CDH23: variants seen among roughly 807,000 people sequenced by gnomAD.
CDH23 encodes cadherin-23.
CDH23 carries 189 observed loss-of-function variants against 317.1 expected under a neutral mutation model. The observed-to-expected ratio is 0.60, with a 90% CI of 0.53 to 0.67. The LOEUF is 0.67. CDH23 is among the 30% of genes least tolerant of loss of function. The pLI is 0.00. For missense variants in CDH23, 4,401 were observed against 4,592.4 expected, an observed-to-expected ratio of 0.96 and a Z score of 1.20; for synonymous variants, 1,839 against 1,876.8, an observed-to-expected ratio of 0.98 and a Z score of 0.52.
chr10:71,773,570 C>A, intron 38 of CDH23: 2 of 760,562 alleles, frequency 2.6e-6, no homozygotes, highest in Non-Finnish European at 3.8e-6. Context: ...GTGCTCCAGG[C>A]ACCCGCCCCC....
chr10:71,463,047 C>T (rs2132065878), intron 3 of CDH23, among the ~76,000 whole-genome samples: 1 of 152,308 alleles, frequency 6.6e-6, no homozygotes, highest in Non-Finnish European at 1.5e-5. Flanking sequence ...TCATTGAATG[C>T]CATGGGGAGG....
intron 2 of CDH23, among the ~76,000 whole-genome samples, chr10:71,445,026 C>T (rs1850088669): frequency 6.6e-6 from 1 of 152,120 alleles, no homozygotes; most frequent in African/African-American, 2.4e-5. Flanking sequence ...TGTGGGGGCT[C>T]CTCATAGGTG....
chr10:71,680,810 C>CTTTTTTTT (rs562449159), intron 17 of CDH23, among the ~76,000 whole-genome samples: 2 of 100,560 alleles, frequency 2.0e-5, no homozygotes, highest in Non-Finnish European at 1.8e-5. Flanking sequence ...CTCTGTCTTT[C>CTTTTTTTT]TTTTTTTTTT....
intron 6 of CDH23, among the ~76,000 whole-genome samples, 197 bp from the exon 7 acceptor site, chr10:71,566,545 G>A (rs535573860): frequency 2.6e-5 from 4 of 152,134 alleles, no homozygotes; most frequent in African/African-American, 9.6e-5. Flanking sequence ...GCCACCAGGA[G>A]GCCATCAAAA....
intron 44 of CDH23, among the ~76,000 whole-genome samples, chr10:71,787,097 G>T (rs1022265887): frequency 1.3e-5 from 2 of 152,156 alleles, no homozygotes; most frequent in South Asian, 2.1e-4. Context: ...TCCAGCCAGG[G>T]CAACAGGAAG....
At chr10:71,555,521 G>T (rs1184798568) in intron 6 of CDH23, among the ~76,000 whole-genome samples, 2 of 152,186 alleles carry the variant, frequency 1.3e-5, no homozygotes, top group Admixed American at 6.5e-5. Context: ...GATACCCTCT[G>T]CTGCCACGTG....
rs367912333 is a variant in CDH23 at position 71,811,385 on chromosome 10, G to C, written c.9148G>C (p.Val3050Leu). The change falls in exon 63 of 70, where the codon GTG becomes CTG. Residue 3050 changes from valine (V) to leucine (L), a missense_variant. Transcript: ENST00000224721. ...TTTCCGGAACTACAACGTCCTGGAC[G>C]TGCAGCCTGCCATCTCTGTCCGGCT... Reference protein sequence around the residue: ...NLFRNYNVLDVQPAISVRLPD... With the variant: ...NLFRNYNVLDLQPAISVRLPD... 4 of 1,613,788 alleles carry C rather than the reference G, an allele frequency of 2.5e-6. No individual in the cohort carries two copies. The highest frequency in any genetic ancestry group is 3.4e-6 in the Non-Finnish European group (4 of 1,179,904).
intron 44 of CDH23, among the ~76,000 whole-genome samples, chr10:71,786,659 G>A (rs924764326): frequency 2.0e-5 from 3 of 151,746 alleles, no homozygotes; most frequent in East Asian, 1.9e-4. Flanking sequence ...CACCTTGCCC[G>A]GCTAATTTTT....
chr10:71,414,976 T>C (rs888222793), intron 1 of CDH23, among the ~76,000 whole-genome samples: 1 of 152,370 alleles, frequency 6.6e-6, no homozygotes, highest in East Asian at 1.9e-4. Flanking sequence ...TCCAAAAGAA[T>C]TGACATAAAG....
intron 14 of CDH23, among the ~76,000 whole-genome samples, chr10:71,672,331 G>T (rs1018674482): frequency 6.6e-6 from 1 of 152,062 alleles, no homozygotes; most frequent in African/African-American, 2.4e-5. Context: ...CAGATCTACC[G>T]CCTCCTCCCA....
intron 11 of CDH23, among the ~76,000 whole-genome samples, chr10:71,640,332 T>G (rs1018333268): frequency 1.3e-5 from 2 of 152,218 alleles, no homozygotes; most frequent in African/African-American, 4.8e-5. Context: ...CCACCATACC[T>G]TACTGCTTAT....
At chr10:71,617,481 A>G (rs1314592663) in intron 11 of CDH23, 88 bp downstream of exon 11, 1 of 1,536,554 alleles carries the variant, frequency 6.5e-7, no homozygotes, top group Middle Eastern at 1.7e-4. Context: ...TCAGCTATAA[A>G]ATAGAAACAA....
At chr10:71,712,442 A>T (rs1265220309) in intron 27 of CDH23, 9 of 539,846 alleles carry the variant, frequency 1.7e-5, no homozygotes, top group African/African-American at 1.5e-4. Context: ...TGCTGTGAGG[A>T]CTGAATGGGT....
At chr10:71,448,479 G>A (rs1480396329) in intron 3 of CDH23, among the ~76,000 whole-genome samples, 1 of 152,202 alleles carries the variant, frequency 6.6e-6, no homozygotes, top group African/African-American at 2.4e-5. Context: ...CAGTGAGCTG[G>A]AAGATAGCTA....
intron 3 of CDH23, among the ~76,000 whole-genome samples, chr10:71,467,641 C>T (rs573767599): frequency 6.6e-6 from 1 of 152,292 alleles, no homozygotes; most frequent in South Asian, 2.1e-4. Context: ...TGCCTTTAGA[C>T]AAGGTTCTGA....
At chr10:71,619,008 T>C (rs1212517652) in intron 11 of CDH23, among the ~76,000 whole-genome samples, 1 of 152,128 alleles carries the variant, frequency 6.6e-6, no homozygotes, top group East Asian at 1.9e-4. Context: ...GAGTCAACAG[T>C]GTGTTGATAC....
intron 8 of CDH23, among the ~76,000 whole-genome samples, chr10:71,575,734 C>T (rs1435144648): frequency 1.3e-5 from 2 of 152,206 alleles, no homozygotes; most frequent in African/African-American, 4.8e-5. Flanking sequence ...CCGAGCACAG[C>T]CGCACTTCTC....
chr10:71,711,455 C>T (rs1865967787), intron 27 of CDH23, among the ~76,000 whole-genome samples: 1 of 152,130 alleles, frequency 6.6e-6, no homozygotes. Context: ...GGTGACCACT[C>T]TTGCCTGGAC....
At chr10:71,521,205 C>T (rs1405028943) in intron 6 of CDH23, among the ~76,000 whole-genome samples, 2 of 151,966 alleles carry the variant, frequency 1.3e-5, no homozygotes, top group African/African-American at 2.4e-5. Flanking sequence ...CATCATTGAT[C>T]AGCCAGCCCA....
Sources: gnomAD v4.1 joint callset for allele counts (sites outside exome capture counted in the v4.1 genomes callset) on GRCh38, gnomAD v4.1.1 for gene constraint, MANE v1.5 for transcripts, NCBI Gene and HGNC (gene_info 2026-07-23, HGNC 2026-07-21) for gene names.